Variants in FRYL observed in about 807,000 individuals in gnomAD.
FRYL encodes the protein FRY like transcription coactivator.
FRYL carries 150 observed loss-of-function variants against 351.2 expected under a neutral mutation model. The ratio of observed to expected loss-of-function variants is 0.43; its 90% confidence interval spans 0.37 to 0.49. The LOEUF is 0.49. Ranked by LOEUF, FRYL falls within the 20% of genes least tolerant of loss-of-function variation. The probability of loss-of-function intolerance (pLI) is 0.00; values close to 1 mark genes in which losing one functional copy is unlikely to be tolerated. For missense variants in FRYL, 3,036 were observed against 3,619.3 expected (o/e 0.84, Z 4.13); for synonymous variants, 1,153 against 1,257.1 (o/e 0.92, Z 1.75).
At chr4:48,594,804 T>C (rs951556300) in intron 15 of FRYL, among the ~76,000 whole-genome samples, 1 of 152,188 alleles carries the variant, frequency 6.6e-6, no homozygotes, top group Non-Finnish European at 1.5e-5. Context: ...ACCTTACCTA[T>C]GTTTCTCCAA....
intron 4 of FRYL, among the ~76,000 whole-genome samples, chr4:48,628,417 C>A (rs2149347743): frequency 8.1e-6 from 1 of 123,870 alleles, no homozygotes. Flanking sequence ...TTATATATAT[C>A]TCCCCTTCAT....
intron 3 of FRYL, among the ~76,000 whole-genome samples, chr4:48,684,400 A>G (rs1442770917): frequency 6.6e-6 from 1 of 152,170 alleles, no homozygotes; most frequent in South Asian, 2.1e-4. Flanking sequence ...CATTGAGAGG[A>G]TCCACTCTGA....
At chr4:48,719,089 G>A (rs539766106) in intron 1 of FRYL, among the ~76,000 whole-genome samples, 1 of 151,492 alleles carries the variant, frequency 6.6e-6, no homozygotes, top group Non-Finnish European at 1.5e-5. Flanking sequence ...GCTTCCTAGC[G>A]CATAACTCTG....
At chr4:48,515,324 AT>A in intron 55 of FRYL, 49 bp from the exon 56 acceptor site, 1 of 1,364,094 alleles carries the variant, frequency 7.3e-7, no homozygotes, top group Non-Finnish European at 1.0e-6. Context: ...TAAAAAAAGA[AT>A]TTTACAACAC....
At chr4:48,561,327 T>C (rs1338133384) in intron 33 of FRYL, 141 bp downstream of exon 33, 9 of 523,562 alleles carry the variant, frequency 1.7e-5, no homozygotes, top group African/African-American at 3.9e-5. Context: ...AGAGTTCTTA[T>C]TGAAGAAAAA....
intron 3 of FRYL, among the ~76,000 whole-genome samples, chr4:48,667,302 C>A (rs1308463417): frequency 1.3e-5 from 2 of 152,050 alleles, no homozygotes; most frequent in Non-Finnish European, 2.9e-5. Flanking sequence ...TAAAAGCAAC[C>A]ACTTCAGAAC....
chr4:48,622,462 A>G (rs750028396), intron 5 of FRYL, among the ~76,000 whole-genome samples: 15 of 152,202 alleles, frequency 9.9e-5, no homozygotes, highest in Non-Finnish European at 7.4e-5. Context: ...CTGCTTTGGC[A>G]GAACTGGAGT....
intron 1 of FRYL, among the ~76,000 whole-genome samples, chr4:48,717,630 T>A (rs1209733440): frequency 6.6e-6 from 1 of 151,588 alleles, no homozygotes; most frequent in Non-Finnish European, 1.5e-5. Flanking sequence ...AGCCTCAAAC[T>A]CCTGTGTTCA....
intron 3 of FRYL, among the ~76,000 whole-genome samples, chr4:48,647,187 G>C (rs1481961500): frequency 6.6e-6 from 1 of 152,170 alleles, no homozygotes; most frequent in Non-Finnish European, 1.5e-5. Flanking sequence ...ATCCAAATTT[G>C]TAGTGAGGTT....
At chr4:48,773,569 C>T (rs1289218515) in intron 1 of FRYL, among the ~76,000 whole-genome samples, 1 of 151,814 alleles carries the variant, frequency 6.6e-6, no homozygotes, top group Non-Finnish European at 1.5e-5. Context: ...TAATGGTTTT[C>T]ATAGGGGAAA....
intron 3 of FRYL, among the ~76,000 whole-genome samples, chr4:48,667,726 T>C (rs1342487959): frequency 6.6e-6 from 1 of 152,112 alleles, no homozygotes; most frequent in Non-Finnish European, 1.5e-5. Flanking sequence ...CAGTTCACTG[T>C]AACCTCCGCC....
rs775088507 is a variant in FRYL at position 48,634,506 on chromosome 4, A to T, written c.-80-16T>A. 1 of 1,596,224 alleles carries T rather than the reference A, an allele frequency of 6.3e-7. No individual in the cohort carries two copies. ...GGCGCTGAAGCTAAAAGTAAAAGAA[A>T]CAAAAGAACTCTACTTTAATAAATC... is the stretch of plus-strand genomic sequence containing the variant. On this transcript the variant is annotated splice_polypyrimidine_tract_variant and intron_variant, in intron 3 of 63. Coordinates refer to ENST00000358350, the MANE Select transcript of FRYL (RefSeq NM_015030.2).
Position 48,565,002 on chromosome 4 carries a change from A to C in FRYL, c.3372T>G (p.Asn1124Lys). Reference protein sequence around the residue: ...AVLCCGPVADNVGLSSDGYLY... With the variant: ...AVLCCGPVADKVGLSSDGYLY... The stretch of plus-strand genomic sequence containing the variant: ...AATAGCCATCTGATGAAAGTCCTAC[A>C]TTATCTGCAACAGGGCCACAACACA... The change falls in exon 30 of 64, where the codon AAT (asparagine) becomes AAG (lysine). Residue 1124 changes from asparagine to lysine, a missense_variant. Physicochemically the swap from Asn to Lys is moderately conservative, Grantham distance 94 (BLOSUM62 0). Around this residue, in one of 7 missense-constraint regions of FRYL, gnomAD observed 1,987 missense variants for 2,311.7 expected, o/e 0.86. Transcript: ENST00000358350. The C allele has an allele frequency of 6.2e-7, 1 of 1,610,058 alleles. No homozygotes were observed. The highest frequency in any genetic ancestry group is 8.5e-7 in the Non-Finnish European group (1 of 1,177,076).
intron 8 of FRYL, 131 bp downstream of exon 8, chr4:48,609,613 T>C: frequency 2.3e-6 from 1 of 442,772 alleles, no homozygotes; most frequent in Non-Finnish European, 3.9e-6. Flanking sequence ...AAGTGAGACC[T>C]TGCCTCAAGA....
chr4:48,764,243 T>C (rs912558812), intron 1 of FRYL, among the ~76,000 whole-genome samples: 3 of 152,068 alleles, frequency 2.0e-5, no homozygotes, highest in South Asian at 2.1e-4. Context: ...CACAAATTAA[T>C]TGAAGCCAGG....
intron 7 of FRYL, among the ~76,000 whole-genome samples, chr4:48,616,465 TGATA>T (rs1749453786): frequency 6.6e-6 from 1 of 152,152 alleles, no homozygotes; most frequent in Admixed American, 6.5e-5. Context: ...TCTACAAAAA[TGATA>T]TCACACATTT....
At chr4:48,546,374 G>T in intron 41 of FRYL, 103 bp from the exon 42 acceptor site, 1 of 871,904 alleles carries the variant, frequency 1.1e-6, no homozygotes, top group Non-Finnish European at 1.8e-6. Context: ...GACACATGAG[G>T]CAATCTGTCA....
At position 48,551,569 on chromosome 4, in the gene FRYL, G is replaced by A; in HGVS notation, c.4445C>T (p.Ser1482Phe). 6.2e-7 allele frequency: 1 copy of A among 1,607,088 alleles called. No individual in the cohort carries two copies. Among genetic ancestry groups the A allele is most frequent in the Non-Finnish European group, 8.5e-7 (1 of 1,174,160 alleles). ...KIPSVTSGTTSSSNTMVAPTD... is the reference protein window; with the variant it reads ...KIPSVTSGTTFSSNTMVAPTD... ...GGGAGCTACCATTGTATTGCTACTG[G>A]AAGTAGTTCCTGTAATCAAAGACAA... Residue 1482 changes from serine to phenylalanine, a missense_variant, in exon 37 of 64, where the codon TCC becomes TTC. This residue lies in a region of FRYL where 1,987 missense variants were observed against 2,311.7 expected (regional missense o/e 0.86). Transcript: ENST00000358350.
chr4:48,520,269 T>C (rs1204207742), intron 55 of FRYL, among the ~76,000 whole-genome samples: 2 of 152,210 alleles, frequency 1.3e-5, no homozygotes, highest in South Asian at 2.1e-4. Flanking sequence ...TTTCAAAATA[T>C]GTCTGGTTAC....
Sources: allele counts gnomAD v4.1 joint callset (sites outside exome capture counted in the v4.1 genomes callset), GRCh38; gene constraint gnomAD v4.1.1; regional missense constraint gnomAD v4.1.1; transcripts MANE v1.5; gene names NCBI Gene and HGNC (gene_info 2026-07-23, HGNC 2026-07-21).